The following PRKCI variants were observed in gnomAD, a reference collection of about 807,000 sequenced individuals.
PRKCI encodes the protein protein kinase C iota type.
In PRKCI, 43 loss-of-function variants were observed where a neutral mutation model predicts 84.0. That is an observed-to-expected ratio of 0.51 (90% confidence interval 0.40 to 0.66). The LOEUF is 0.66. Among genes scored for constraint, PRKCI ranks in the 30% least tolerant of loss-of-function variants. The probability of loss-of-function intolerance (pLI) is 0.00; values close to 1 mark genes in which losing one functional copy is unlikely to be tolerated. For missense variants in PRKCI, 459 were observed against 745.6 expected, an observed-to-expected ratio of 0.62 and a Z score of 4.48; for synonymous variants, 216 against 234.4, an observed-to-expected ratio of 0.92 and a Z score of 0.72.
chr3:170,279,408 C>T lies in PRKCI; in HGVS notation c.706-819C>T, dbSNP rs140098140. Among the ~76,000 whole-genome samples, 506 of 152,238 alleles carry T rather than the reference C, an allele frequency of 3.3e-3. 1 individual carries two copies. The highest frequency in any genetic ancestry group is 0.01 in the Middle Eastern group (3 of 292). The stretch of plus-strand genomic sequence containing the variant: ...TACCCTTCTTTCAGTTTTGTGCTTG[C>T]GGGTTTCTTTATCTTTCTCAAAATT... On this transcript the variant is annotated intron_variant, in intron 8 of 17. Transcript: ENST00000295797.
At chr3:170,237,234 C>T (rs1733002454) in intron 2 of PRKCI, among the ~76,000 whole-genome samples, 1 of 152,122 alleles carries the variant, frequency 6.6e-6, no homozygotes, top group Admixed American at 6.6e-5. Flanking sequence ...ATGAATTGGC[C>T]TACAGTTTAA....
chr3:170,225,889 T>C (rs1162312756), intron 1 of PRKCI, among the ~76,000 whole-genome samples: 1 of 151,924 alleles, frequency 6.6e-6, no homozygotes, highest in Admixed American at 6.6e-5. Flanking sequence ...TTAATTTTTT[T>C]CTAATTTTTA....
chr3:170,266,894 G>A (rs1039740211), intron 4 of PRKCI, among the ~76,000 whole-genome samples: 4 of 152,182 alleles, frequency 2.6e-5, no homozygotes, highest in African/African-American at 4.8e-5. Flanking sequence ...TCGGGTGGCC[G>A]AGGCAGGAGA....
At chr3:170,227,337 A>C (rs1265901767) in intron 1 of PRKCI, among the ~76,000 whole-genome samples, 1 of 152,226 alleles carries the variant, frequency 6.6e-6, no homozygotes, top group East Asian at 1.9e-4. Context: ...GTAGGCACAG[A>C]GAATGTAGAG....
At position 170,268,428 on chromosome 3, in the gene PRKCI, C is replaced by T. The variant is rs191169199; in HGVS notation, c.450+428C>T. ...CTGGGAGGCAGAGGTTGCAGTGAGC[C>T]GAGATTGTGCCACTGCACTCCAGCC... On this transcript the variant is annotated intron_variant, in intron 5 of 17. Coordinates refer to ENST00000295797, the MANE Select transcript of PRKCI (RefSeq NM_002740.6). Among the ~76,000 whole-genome samples the T allele has an allele frequency of 5.8e-3, 843 of 145,528 alleles. 8 individuals are homozygous for T. The highest frequency in any genetic ancestry group is 0.021 in the African/African-American group (803 of 38,072).
chr3:170,245,576 C>G (rs571954017), intron 2 of PRKCI, among the ~76,000 whole-genome samples: 3 of 152,126 alleles, frequency 2.0e-5, no homozygotes, highest in Non-Finnish European at 4.4e-5. Flanking sequence ...ATTGGCATCC[C>G]GTCTCCAGTT....
chr3:170,261,519 T>C (rs1733727846), intron 3 of PRKCI, among the ~76,000 whole-genome samples: 3 of 151,822 alleles, frequency 2.0e-5, no homozygotes, highest in African/African-American at 7.3e-5. Context: ...AGTTTCACTC[T>C]GTTGCCCAGG....
intron 9 of PRKCI, 141 bp from the exon 10 acceptor site, chr3:170,281,025 A>C (rs1170449360): frequency 1.7e-6 from 1 of 585,348 alleles, no homozygotes; most frequent in African/African-American, 1.9e-5. Flanking sequence ...TTTGTATGTA[A>C]ATTTTCGTTT....
chr3:170,293,504 C>T lies in PRKCI; in HGVS notation c.1413C>T (p.Phe471=), dbSNP rs146019750. 462 of 1,612,806 alleles carry T rather than the reference C, an allele frequency of 2.9e-4. No homozygotes were observed. Among genetic ancestry groups the T allele is most frequent in the Non-Finnish European group, 3.7e-4 (436 of 1,179,548 alleles). Residue 471 remains phenylalanine (F), a synonymous_variant, in exon 14 of 18, where the codon TTC becomes TTT. Coordinates refer to ENST00000295797, the MANE Select transcript of PRKCI (RefSeq NM_002740.6). ...ACCAGAACACAGAGGATTATCTCTTCCAAGGTAATTTGGAGTATTTTACAG... is the reference window on the plus strand; with the variant it reads ...ACCAGAACACAGAGGATTATCTCTTTCAAGGTAATTTGGAGTATTTTACAG... ...NPDQNTEDYL[F]QVILEKQIRI...
At chr3:170,283,773 G>A (rs1734310780) in intron 11 of PRKCI, among the ~76,000 whole-genome samples, 1 of 152,170 alleles carries the variant, frequency 6.6e-6, no homozygotes, top group African/African-American at 2.4e-5. Flanking sequence ...TAAGTAGCTA[G>A]GAGGTGTATG....
chr3:170,287,342 G>T (rs556427187), intron 12 of PRKCI, among the ~76,000 whole-genome samples: 2,916 of 151,022 alleles, frequency 0.019, 38 homozygotes, highest in African/African-American at 0.048. Context: ...TATATATAGA[G>T]AGAGAGAGAG....
At chr3:170,250,441 CCCCA>C (rs1056570246) in intron 2 of PRKCI, among the ~76,000 whole-genome samples, 1 of 107,688 alleles carries the variant, frequency 9.3e-6, no homozygotes, top group African/African-American at 3.6e-5. Flanking sequence ...AACCCCCCCC[CCCCA>C]AAAAAAAATC....
rs543375229 is a variant in PRKCI at position 170,232,509 on chromosome 3, A to AT, written c.102-2720dup. On this transcript the variant is annotated intron_variant, in intron 1 of 17. Coordinates refer to ENST00000295797, the MANE Select transcript of PRKCI (RefSeq NM_002740.6). ...TTCATGATAATACTCAGAGGCAGAT[A>AT]TGATTATCTCCATTTTTCAGATAAC... Among the ~76,000 whole-genome samples, 299 of 152,042 alleles carry AT rather than the reference A, an allele frequency of 2.0e-3. 1 individual carries two copies. Among genetic ancestry groups the AT allele is most frequent in the Admixed American group, 4.7e-3 (72 of 15,264 alleles).
intron 1 of PRKCI, among the ~76,000 whole-genome samples, chr3:170,231,420 A>G (rs1235823199): frequency 2.6e-5 from 4 of 152,040 alleles, no homozygotes; most frequent in Non-Finnish European, 4.4e-5. Flanking sequence ...ATCTGCAAGT[A>G]GCAATTTTGC....
chr3:170,292,558 A>T (rs1734578793), intron 13 of PRKCI, among the ~76,000 whole-genome samples: 1 of 152,192 alleles, frequency 6.6e-6, no homozygotes, highest in African/African-American at 2.4e-5. Context: ...GTCTGAATCC[A>T]CTGTCCTTCA....
At chr3:170,230,630 T>TA (rs1419969235) in intron 1 of PRKCI, among the ~76,000 whole-genome samples, 1 of 152,244 alleles carries the variant, frequency 6.6e-6, no homozygotes, top group Non-Finnish European at 1.5e-5. Context: ...GCGCCTGGCT[T>TA]ATTATGAAAC....
intron 10 of PRKCI, 106 bp downstream of exon 10, chr3:170,281,369 TGC>T: frequency 1.2e-6 from 1 of 843,084 alleles, no homozygotes; most frequent in Non-Finnish European, 1.9e-6. Flanking sequence ...TCATGGAGGA[TGC>T]AACAGTGTTA....
intron 3 of PRKCI, among the ~76,000 whole-genome samples, chr3:170,261,210 C>T (rs1371497091): frequency 6.6e-6 from 1 of 150,598 alleles, no homozygotes; most frequent in Non-Finnish European, 1.5e-5. Context: ...AAGAGTCCTA[C>T]CACCTGGGCC....
chr3:170,268,208 T>TG (rs1733911953), intron 5 of PRKCI, among the ~76,000 whole-genome samples: 2 of 152,148 alleles, frequency 1.3e-5, no homozygotes, highest in Non-Finnish European at 1.5e-5. Context: ...AGGCCAGGTG[T>TG]GGTGGCTCAG....
Sources: gnomAD v4.1 joint callset for allele counts (sites outside exome capture counted in the v4.1 genomes callset) on GRCh38, gnomAD v4.1.1 for gene constraint, MANE v1.5 for transcripts, NCBI Gene and HGNC (gene_info 2026-07-23, HGNC 2026-07-21) for gene names.